The following GLIS3 variants were observed in gnomAD, a reference collection of about 807,000 sequenced individuals.
GLIS3 encodes the protein GLIS family zinc finger 3.
In GLIS3, 53 loss-of-function variants were observed where a neutral mutation model predicts 78.6. The ratio of observed to expected loss-of-function variants is 0.67; its 90% CI spans 0.54 to 0.85. GLIS3 has a LOEUF of 0.85. Ranked by LOEUF, GLIS3 falls within the 40% of genes least tolerant of loss-of-function variation. The pLI is 0.00. For synonymous variants in GLIS3, 684 were observed against 509.9 expected, an observed-to-expected ratio of 1.34 and a Z score of -4.60; for missense variants, 1,703 against 1,231.1, an observed-to-expected ratio of 1.38 and a Z score of -5.74.
At chr9:4,394,420 G>A in the GLIS3 span, among the ~76,000 whole-genome samples, 4 of 151,954 alleles carry the variant, frequency 2.6e-5, no homozygotes, top group Non-Finnish European at 5.9e-5. Flanking sequence ...ATTCTCTCAG[G>A]AAACATGGCA....
chr9:3,985,149 TATTA>T (rs991758557), intron 4 of GLIS3, among the ~76,000 whole-genome samples: 5 of 151,922 alleles, frequency 3.3e-5, no homozygotes, highest in Admixed American at 6.6e-5. Context: ...TTATTATTAT[TATTA>T]ATTATTACTG....
the GLIS3 span, among the ~76,000 whole-genome samples, chr9:4,450,057 AG>A: frequency 2.6e-5 from 4 of 152,240 alleles, no homozygotes; most frequent in Non-Finnish European, 5.9e-5. Flanking sequence ...TCCAAGCTAA[AG>A]AAGGATGTTT....
At chr9:4,180,884 G>A (rs1400682998) in intron 2 of GLIS3, among the ~76,000 whole-genome samples, 2 of 152,162 alleles carry the variant, frequency 1.3e-5, no homozygotes, top group African/African-American at 2.4e-5. Flanking sequence ...CTGGTCCCAA[G>A]TATAGGTCCC....
the GLIS3 span, among the ~76,000 whole-genome samples, chr9:4,363,086 C>T: frequency 6.6e-6 from 1 of 152,136 alleles, no homozygotes; most frequent in African/African-American, 2.4e-5. Context: ...ACAGCTTTGA[C>T]TTAGGAAACC....
At chr9:4,018,530 G>A (rs972907423) in intron 4 of GLIS3, among the ~76,000 whole-genome samples, 1 of 152,098 alleles carries the variant, frequency 6.6e-6, no homozygotes, top group Non-Finnish European at 1.5e-5. Context: ...AAAAGGTAAG[G>A]GGCTTCACAG....
chr9:4,471,673 TAC>T, the GLIS3 span, among the ~76,000 whole-genome samples: 2 of 152,118 alleles, frequency 1.3e-5, no homozygotes, highest in Non-Finnish European at 2.9e-5. Context: ...ACCCAGGCAA[TAC>T]CATTCAAGCC....
At chr9:3,951,929 C>G (rs909047355) in intron 4 of GLIS3, among the ~76,000 whole-genome samples, 1 of 150,166 alleles carries the variant, frequency 6.7e-6, no homozygotes, top group African/African-American at 2.5e-5. Flanking sequence ...TTGAGGTTAG[C>G]TGAAGACACA....
chr9:3,842,968 C>T (rs1287156086), intron 9 of GLIS3, among the ~76,000 whole-genome samples: 2 of 152,082 alleles, frequency 1.3e-5, no homozygotes, highest in East Asian at 1.9e-4. Flanking sequence ...GATGATTGTT[C>T]CAAAAGGGCC....
chr9:4,454,619 A>G, the GLIS3 span, among the ~76,000 whole-genome samples: 1 of 152,194 alleles, frequency 6.6e-6, no homozygotes, highest in Non-Finnish European at 1.5e-5. Flanking sequence ...CCTTTCCAGC[A>G]TGTATCTCCT....
At chr9:4,031,041 G>C (rs1425507054) in intron 4 of GLIS3, among the ~76,000 whole-genome samples, 1 of 152,192 alleles carries the variant, frequency 6.6e-6, no homozygotes, top group Non-Finnish European at 1.5e-5. Flanking sequence ...TTCGTGCACT[G>C]CTGGTAGGAA....
chr9:4,036,357 A>C (rs1380000948), intron 4 of GLIS3, among the ~76,000 whole-genome samples: 1 of 151,642 alleles, frequency 6.6e-6, no homozygotes, highest in Non-Finnish European at 1.5e-5. Flanking sequence ...TAGTTTTACT[A>C]TTCTCTGCTC....
At chr9:3,994,729 T>C (rs1170971747) in intron 4 of GLIS3, among the ~76,000 whole-genome samples, 1 of 152,154 alleles carries the variant, frequency 6.6e-6, no homozygotes, top group African/African-American at 2.4e-5. Context: ...TTTTTAAAAA[T>C]CAAAACTGAT....
chr9:4,223,748 T>C (rs1821526192), intron 2 of GLIS3, among the ~76,000 whole-genome samples: 1 of 152,160 alleles, frequency 6.6e-6, no homozygotes, highest in African/African-American at 2.4e-5. Context: ...GGTTTTGGAT[T>C]TTTCTATTTG....
At chr9:3,999,102 T>A (rs1820948791) in intron 4 of GLIS3, among the ~76,000 whole-genome samples, 2 of 152,158 alleles carry the variant, frequency 1.3e-5, no homozygotes, top group Non-Finnish European at 2.9e-5. Context: ...CCACATCAGC[T>A]TATAGAAATA....
chr9:3,984,949 C>G (rs928493517), intron 4 of GLIS3, among the ~76,000 whole-genome samples: 1 of 152,132 alleles, frequency 6.6e-6, no homozygotes, highest in African/African-American at 2.4e-5. Flanking sequence ...ATGTGACTTG[C>G]TCGTCCTTGC....
At chr9:4,450,753 T>G in the GLIS3 span, among the ~76,000 whole-genome samples, 1 of 152,158 alleles carries the variant, frequency 6.6e-6, no homozygotes, top group Non-Finnish European at 1.5e-5. Context: ...AAACTAAGCT[T>G]CACAAGTGAA....
chr9:4,479,878 T>C, the GLIS3 span, among the ~76,000 whole-genome samples: 130 of 151,466 alleles, frequency 8.6e-4, 7 homozygotes, highest in South Asian at 0.026. Flanking sequence ...CCCATCATTC[T>C]CTTGACCACA....
chr9:4,092,976 G>C (rs1329843057), intron 4 of GLIS3, among the ~76,000 whole-genome samples: 2 of 152,284 alleles, frequency 1.3e-5, no homozygotes, highest in East Asian at 1.9e-4. Context: ...TCCATGATGT[G>C]ACATTAGCAA....
intron 2 of GLIS3, among the ~76,000 whole-genome samples, chr9:4,255,105 A>G (rs1488784814): frequency 6.6e-6 from 1 of 152,210 alleles, no homozygotes; most frequent in East Asian, 1.9e-4. Flanking sequence ...TAAGCATATG[A>G]GAAGATCTGC....
Sources: gnomAD v4.1 joint callset for allele counts (sites outside exome capture counted in the v4.1 genomes callset) on GRCh38, gnomAD v4.1.1 for gene constraint, MANE v1.5 for transcripts, NCBI Gene and HGNC (gene_info 2026-07-23, HGNC 2026-07-21) for gene names.